ZHX3: variants seen among roughly 807,000 people sequenced by gnomAD.
The protein encoded by ZHX3 is zinc fingers and homeoboxes protein 3.
A neutral mutation model predicts 64.5 loss-of-function variants in ZHX3; 20 were observed. The ratio of observed to expected loss-of-function variants is 0.31; its 90% CI spans 0.22 to 0.45. The LOEUF (loss-of-function observed/expected upper bound fraction) is 0.45, where lower values mean the gene tolerates loss of function less well. Ranked by LOEUF, ZHX3 falls within the 20% of genes least tolerant of loss-of-function variation. The probability of loss-of-function intolerance (pLI) is 1.00; values close to 1 mark genes in which losing one functional copy is unlikely to be tolerated. For missense variants in ZHX3, 1,041 were observed against 1,195.8 expected (o/e 0.87, Z 1.91); for synonymous variants, 423 against 461.6 (o/e 0.92, Z 1.07).
rs1334561083 is a variant in ZHX3 at position 41,196,027 on chromosome 20, T to G, written c.2860+6030A>C. Among the ~76,000 whole-genome samples the G allele has an allele frequency of 4.2e-4, 64 of 151,938 alleles. 1 individual carries two copies. The highest frequency in any genetic ancestry group is 1.5e-3 in the African/African-American group (62 of 41,432). On this transcript the variant is annotated intron_variant, in intron 3 of 3. Coordinates refer to ENST00000683867, the MANE Select transcript of ZHX3 (RefSeq NM_001384317.1). ...TTAACATACGGTTTATCCTGGAGAG[T>G]ATTCCATGTGAATTTGAGAAGACTG...
intron 2 of ZHX3, among the ~76,000 whole-genome samples, chr20:41,220,428 G>A (rs1457080766): frequency 6.6e-6 from 1 of 152,214 alleles, no homozygotes; most frequent in Admixed American, 6.5e-5. Flanking sequence ...TTCCTATGAA[G>A]CTACTACAGC....
chr20:41,305,939 T>G (rs1300648196), intron 1 of ZHX3, among the ~76,000 whole-genome samples: 4 of 152,186 alleles, frequency 2.6e-5, no homozygotes. Flanking sequence ...GTTCTGATTT[T>G]TGTACTATAT....
intron 1 of ZHX3, among the ~76,000 whole-genome samples, chr20:41,291,501 T>G (rs1341898489): frequency 6.6e-6 from 1 of 152,188 alleles, no homozygotes; most frequent in East Asian, 1.9e-4. Flanking sequence ...CACTCTTCTT[T>G]GTTAATAATT....
chr20:41,283,712 G>A (rs554516939), intron 1 of ZHX3, among the ~76,000 whole-genome samples: 13 of 151,708 alleles, frequency 8.6e-5, no homozygotes, highest in South Asian at 6.3e-4. Flanking sequence ...AGCCGAGATC[G>A]CACCACTGCA....
intron 2 of ZHX3, among the ~76,000 whole-genome samples, chr20:41,215,703 G>T (rs1433417902): frequency 6.6e-6 from 1 of 151,046 alleles, no homozygotes; most frequent in African/African-American, 2.4e-5. Context: ...GGGAGGCCAA[G>T]GAGGGTGGAT....
intron 3 of ZHX3, among the ~76,000 whole-genome samples, chr20:41,193,302 A>C (rs1413632615): frequency 1.3e-5 from 2 of 151,982 alleles, no homozygotes; most frequent in African/African-American, 4.8e-5. Context: ...ATATCTTTCT[A>C]TTTATTTAGG....
In ZHX3 at chr20:41,224,041, T is replaced by C. The variant is rs1330293595; in HGVS notation, c.-150-18975A>G. On this transcript the variant is annotated intron_variant, in intron 2 of 3. Transcript: ENST00000683867. The surrounding 1 kb of genome is among the most constrained non-coding windows in gnomAD (Gnocchi z 5.2). ...ATAGTTCAAAAATAACTTAGAGATA[T>C]CCAATATACAAAACAAAAAATAAAT... 6.6e-6 allele frequency among the ~76,000 whole-genome samples: 1 copy of C among 151,878 alleles called. No individual in the cohort carries two copies. The highest frequency in any genetic ancestry group is 1.5e-5 in the Non-Finnish European group (1 of 67,960).
At position 41,202,341 on chromosome 20, in the gene ZHX3, A is replaced by G; in HGVS notation, c.2576T>C (p.Met859Thr). 1 of 1,614,112 alleles carries G rather than the reference A, an allele frequency of 6.2e-7. No individual in the cohort carries two copies. Among genetic ancestry groups the G allele is most frequent in the African/African-American group, 1.3e-5 (1 of 75,016 alleles). The change falls in exon 3 of 4, where the codon ATG (methionine) becomes ACG (threonine). Residue 859 changes from methionine to threonine, a missense_variant. Around this residue, in one of 4 missense-constraint regions of ZHX3, gnomAD observed 649 missense variants for 739.8 expected, o/e 0.88. Coordinates refer to ENST00000683867, the MANE Select transcript of ZHX3 (RefSeq NM_001384317.1). The surrounding 1 kb of genome is among the most constrained non-coding windows in gnomAD (Gnocchi z 7.0). ...LLQDYYMTHK[M>T]LYEEDLQNLC... ...GTTCTGCAGGTCCTCTTCATACAGC[A>G]TCTTGTGTGTCATGTAATAGTCCTG... is the stretch of plus-strand genomic sequence containing the variant.
At chr20:41,241,373 G>C (rs924638691) in intron 2 of ZHX3, among the ~76,000 whole-genome samples, 1 of 151,932 alleles carries the variant, frequency 6.6e-6, no homozygotes, top group Non-Finnish European at 1.5e-5. Flanking sequence ...TTTTCCTATC[G>C]AGTTGTTTGA....
chr20:41,294,420 G>A (rs570313760), intron 1 of ZHX3, among the ~76,000 whole-genome samples: 6 of 152,262 alleles, frequency 3.9e-5, no homozygotes, highest in South Asian at 2.1e-4. Flanking sequence ...GAAGTACAGC[G>A]ATATGATCTC....
chr20:41,305,215 G>A (rs1335254810), intron 1 of ZHX3, among the ~76,000 whole-genome samples: 7 of 152,196 alleles, frequency 4.6e-5, no homozygotes, highest in Admixed American at 4.6e-4. Flanking sequence ...AGGTAAGAGG[G>A]AACATTAAAA....
chr20:41,204,276 G>A lies in ZHX3; in HGVS notation c.641C>T (p.Ala214Val), dbSNP rs2146242741. The change falls in exon 3 of 4, where the codon GCC becomes GTC. Residue 214 changes from alanine (A) to valine (V), a missense_variant. This residue lies in a region of ZHX3 where 358 missense variants were observed against 369.1 expected (regional missense o/e 0.97). Transcript: ENST00000683867. This position sits in a 1 kb window ranked among gnomAD's most constrained non-coding sequence, Gnocchi z 6.6. ...ENVPSQPVGE[A>V]LPKLSTGEME... ...TTCTCCAGTCGACAGCTTTGGTAAG[G>A]CCTCACCCACAGGCTGGCTAGGGAC... The A allele has an allele frequency of 1.2e-6, 2 of 1,614,250 alleles. No individual in the cohort carries two copies. Among genetic ancestry groups the A allele is most frequent in the East Asian group, 2.2e-5 (1 of 44,886 alleles).
At chr20:41,243,680 A>G (rs2041521955) in intron 2 of ZHX3, among the ~76,000 whole-genome samples, 1 of 152,126 alleles carries the variant, frequency 6.6e-6, no homozygotes, top group Non-Finnish European at 1.5e-5. Context: ...TTATAATATT[A>G]TTATTATAAT....
intron 2 of ZHX3, among the ~76,000 whole-genome samples, chr20:41,257,028 T>A (rs182755383): frequency 6.6e-6 from 1 of 152,110 alleles, no homozygotes; most frequent in Admixed American, 6.5e-5. Flanking sequence ...AGAACATGCA[T>A]AAACCTCTAG....
chr20:41,237,880 T>C (rs1255027339), intron 2 of ZHX3, among the ~76,000 whole-genome samples: 4 of 152,258 alleles, frequency 2.6e-5, no homozygotes. Context: ...AGGATAATTC[T>C]AAGAAAGAGG....
intron 1 of ZHX3, among the ~76,000 whole-genome samples, chr20:41,297,690 G>C (rs977650928): frequency 6.6e-6 from 1 of 152,180 alleles, no homozygotes; most frequent in Non-Finnish European, 1.5e-5. Flanking sequence ...GAGGAAATGG[G>C]GACCTAGTTA....
In ZHX3 at chr20:41,237,759, T is replaced by C. The variant is rs577753681; in HGVS notation, c.-151+31231A>G. Among the ~76,000 whole-genome samples the C allele has an allele frequency of 3.5e-4, 54 of 152,228 alleles. 1 individual carries two copies. The East Asian group carries it at 4.8e-3, about 14-fold the overall frequency. On this transcript the variant is annotated intron_variant, in intron 2 of 3. Coordinates refer to ENST00000683867, the MANE Select transcript of ZHX3 (RefSeq NM_001384317.1). ...ATGTACCCTAAAACTTAAAGTATAA[T>C]TAAAAAAATAAAATAAAATAAAGAA...
intron 2 of ZHX3, among the ~76,000 whole-genome samples, chr20:41,231,929 C>T (rs1346608822): frequency 6.6e-6 from 1 of 152,030 alleles, no homozygotes; most frequent in Non-Finnish European, 1.5e-5. Flanking sequence ...AAAGCACCTC[C>T]TAATGGTTAA....
chr20:41,198,335 T>C (rs2037934827), intron 3 of ZHX3, among the ~76,000 whole-genome samples: 1 of 152,126 alleles, frequency 6.6e-6, no homozygotes, highest in African/African-American at 2.4e-5. Flanking sequence ...TCAGTATCCT[T>C]TCATTTCAGC....
Sources: gnomAD v4.1 joint callset for allele counts (sites outside exome capture counted in the v4.1 genomes callset) on GRCh38, gnomAD v4.1.1 for gene constraint, gnomAD v4.1.1 regional missense constraint, Gnocchi (gnomAD v3.1) non-coding constraint, MANE v1.5 for transcripts, NCBI Gene and HGNC (gene_info 2026-07-23, HGNC 2026-07-21) for gene names.